Variants in KIRREL1 observed in about 807,000 individuals in gnomAD.
KIRREL1 encodes kirre like nephrin family adhesion molecule 1.
KIRREL1 carries 25 observed loss-of-function variants against 83.3 expected under a neutral mutation model. That is an observed-to-expected ratio of 0.30 (90% CI 0.22 to 0.42). KIRREL1 has a LOEUF of 0.42. KIRREL1 is among the 10% of genes least tolerant of loss of function. KIRREL1 has a pLI of 1.00. For missense variants in KIRREL1, 812 were observed against 1,032.3 expected (o/e 0.79, Z 2.92); for synonymous variants, 388 against 410.4 (o/e 0.95, Z 0.66).
intron 1 of KIRREL1, among the ~76,000 whole-genome samples, chr1:158,029,369 A>ATGTGTGTGTGTG (rs1218198001): frequency 0.087 from 12,583 of 145,002 alleles, 644 homozygotes; most frequent in East Asian, 0.18. Context: ...GTGTGTGTGC[A>ATGTGTGTGTGTG]CGTGCGCGCG....
At chr1:158,027,377 G>A (rs987758356) in intron 1 of KIRREL1, among the ~76,000 whole-genome samples, 1 of 152,166 alleles carries the variant, frequency 6.6e-6, no homozygotes. Context: ...TCGGAATCCT[G>A]TCCTTTTGGG....
chr1:158,007,493 T>C (rs1174521335), intron 1 of KIRREL1, among the ~76,000 whole-genome samples: 1 of 152,080 alleles, frequency 6.6e-6, no homozygotes, highest in Admixed American at 6.5e-5. Context: ...TATGGCTTTG[T>C]CAAATGTGGT....
chr1:158,078,184 C>A, intron 3 of KIRREL1, 44 bp downstream of exon 3: 1 of 1,593,350 alleles, frequency 6.3e-7, no homozygotes, highest in Non-Finnish European at 8.6e-7. Context: ...CCCTGTCTCT[C>A]TGTATCCTGG....
intron 12 of KIRREL1, 48 bp downstream of exon 12, chr1:158,093,494 G>T (rs1209908200): frequency 6.2e-7 from 1 of 1,607,820 alleles, no homozygotes; most frequent in Admixed American, 1.7e-5. Context: ...GGCTCTTCCA[G>T]GGCCATGACA....
intron 1 of KIRREL1, among the ~76,000 whole-genome samples, chr1:158,024,140 G>A (rs1478147436): frequency 2.0e-5 from 3 of 151,976 alleles, no homozygotes; most frequent in African/African-American, 7.3e-5. Context: ...GTAGAGACGG[G>A]GTTTCACCAT....
intron 1 of KIRREL1, among the ~76,000 whole-genome samples, chr1:158,035,577 G>A (rs1484665276): frequency 6.6e-6 from 1 of 152,150 alleles, no homozygotes; most frequent in African/African-American, 2.4e-5. Flanking sequence ...TAATTCTCAT[G>A]GAGCCCTGTT....
At chr1:158,090,086 G>T (rs1383656453) in intron 10 of KIRREL1, among the ~76,000 whole-genome samples, 1 of 152,062 alleles carries the variant, frequency 6.6e-6, no homozygotes, top group East Asian at 1.9e-4. Flanking sequence ...ACCTAATAGG[G>T]TTGCTGTGAG....
intron 1 of KIRREL1, among the ~76,000 whole-genome samples, chr1:158,026,753 G>A (rs1660183473): frequency 6.6e-6 from 1 of 152,210 alleles, no homozygotes; most frequent in African/African-American, 2.4e-5. Context: ...CAGCTAAGAT[G>A]TGACAGAGCA....
chr1:158,073,020 T>C (rs114205452), intron 1 of KIRREL1, among the ~76,000 whole-genome samples: 1,934 of 152,128 alleles, frequency 0.013, 42 homozygotes, highest in African/African-American at 0.044. Flanking sequence ...GAACAGGACT[T>C]GGTGAAGGGA....
At chr1:158,063,825 C>T (rs1420208246) in intron 1 of KIRREL1, among the ~76,000 whole-genome samples, 1 of 152,202 alleles carries the variant, frequency 6.6e-6, no homozygotes, top group African/African-American at 2.4e-5. Flanking sequence ...TCCTGCACCT[C>T]AGGTACTTTC....
chr1:158,071,603 G>A (rs1324499712), intron 1 of KIRREL1, among the ~76,000 whole-genome samples: 1 of 152,188 alleles, frequency 6.6e-6, no homozygotes, highest in Non-Finnish European at 1.5e-5. Context: ...TATGTCTGTG[G>A]TCAGGACCTT....
At chr1:158,057,002 C>CT (rs377197318) in intron 1 of KIRREL1, among the ~76,000 whole-genome samples, 22 of 152,256 alleles carry the variant, frequency 1.4e-4, no homozygotes, top group South Asian at 2.1e-4. Flanking sequence ...CTTCATTTAT[C>CT]TTTTTTTCAT....
At position 158,078,126 on chromosome 1, in the gene KIRREL1, A is replaced by G; in HGVS notation, c.338A>G (p.Lys113Arg). Residue 113 changes from lysine (K) to arginine (R), a missense_variant, in exon 3 of 15, where the codon AAA (lysine) becomes AGA (arginine). Around this residue, in one of 3 missense-constraint regions of KIRREL1, gnomAD observed 472 missense variants for 626.8 expected, o/e 0.75. Transcript: ENST00000359209. ...GCCGCCCTGCGCTCTCGGCGGGCCA[A>G]ACTCACCGTGCTCAGTAAGGACCCC... is the stretch of plus-strand genomic sequence containing the variant. ...TEAALRSRRA[K>R]LTVLIPPEDT... The G allele has an allele frequency of 6.2e-7, 1 of 1,613,952 alleles. No individual in the cohort carries two copies. Among genetic ancestry groups the G allele is most frequent in the Non-Finnish European group, 8.5e-7 (1 of 1,180,000 alleles).
intron 1 of KIRREL1, among the ~76,000 whole-genome samples, chr1:158,038,879 G>C (rs1660548727): frequency 6.6e-6 from 1 of 152,236 alleles, no homozygotes; most frequent in Non-Finnish European, 1.5e-5. Context: ...ATTGGCTCCA[G>C]AGGGCTAAAC....
intron 1 of KIRREL1, among the ~76,000 whole-genome samples, chr1:158,068,319 C>A (rs1366894208): frequency 6.6e-6 from 1 of 152,276 alleles, no homozygotes; most frequent in Middle Eastern, 3.4e-3. Context: ...TGTAGTCATT[C>A]CTCTGAGATT....
chr1:158,023,613 G>C (rs888440371), intron 1 of KIRREL1, among the ~76,000 whole-genome samples: 1 of 152,150 alleles, frequency 6.6e-6, no homozygotes, highest in Non-Finnish European at 1.5e-5. Context: ...GCACAAGTAG[G>C]GGGACCGGGA....
intron 1 of KIRREL1, among the ~76,000 whole-genome samples, chr1:158,034,344 A>C (rs996725429): frequency 2.6e-5 from 4 of 151,872 alleles, no homozygotes; most frequent in Admixed American, 1.3e-4. Context: ...TAGATGCCTC[A>C]GTTTCCCATA....
intron 1 of KIRREL1, among the ~76,000 whole-genome samples, chr1:158,018,577 T>C (rs985185139): frequency 2.6e-5 from 4 of 152,164 alleles, no homozygotes; most frequent in African/African-American, 9.7e-5. Context: ...GACTCAGAGA[T>C]GTCCCTTGAT....
At chr1:158,035,129 A>G (rs1265525496) in intron 1 of KIRREL1, among the ~76,000 whole-genome samples, 1 of 152,214 alleles carries the variant, frequency 6.6e-6, no homozygotes, top group East Asian at 1.9e-4. Context: ...GGTAGGAGCC[A>G]TTCCCTTTGC....
Sources: gnomAD v4.1 joint callset for allele counts (sites outside exome capture counted in the v4.1 genomes callset) on GRCh38, gnomAD v4.1.1 for gene constraint, gnomAD v4.1.1 regional missense constraint, MANE v1.5 for transcripts, NCBI Gene and HGNC (gene_info 2026-07-23, HGNC 2026-07-21) for gene names.